IQSEC3: variants seen among roughly 807,000 people sequenced by gnomAD.
IQSEC3 encodes IQ motif and SEC7 domain-containing protein 3.
A neutral mutation model predicts 105.4 loss-of-function variants in IQSEC3; 50 were observed. That is an observed-to-expected ratio of 0.47 (90% CI 0.38 to 0.60). The LOEUF (loss-of-function observed/expected upper bound fraction) is 0.60. Among genes scored for constraint, IQSEC3 ranks in the 20% least tolerant of loss-of-function variants. The probability of loss-of-function intolerance (pLI) is 0.00; values close to 1 mark genes in which losing one functional copy is unlikely to be tolerated. For synonymous variants in IQSEC3, 708 were observed against 746.0 expected, an observed-to-expected ratio of 0.95 and a Z score of 0.83; for missense variants, 1,415 against 1,630.0, an observed-to-expected ratio of 0.87 and a Z score of 2.27.
At chr12:123,731 A>C (rs1865292391) in intron 2 of IQSEC3, among the ~76,000 whole-genome samples, 1 of 151,870 alleles carries the variant, frequency 6.6e-6, no homozygotes, top group African/African-American at 2.4e-5. Context: ...CCGCAGGAAG[A>C]GGTCCCTCCT....
intron 2 of IQSEC3, among the ~76,000 whole-genome samples, chr12:117,329 G>A (rs982751089): frequency 9.9e-5 from 15 of 152,204 alleles, no homozygotes; most frequent in Non-Finnish European, 1.5e-4. Flanking sequence ...GATGTTCTTC[G>A]AGCTTGAAAT....
chr12:144,549 T>A (rs1036213736), intron 5 of IQSEC3: 13 of 152,000 alleles, frequency 8.6e-5, no homozygotes, highest in Admixed American at 1.3e-4. Context: ...AGGGGAAGGG[T>A]GTGCTTCCCA....
chr12:78,140 C>T (rs1230555342), intron 1 of IQSEC3, among the ~76,000 whole-genome samples: 2 of 150,964 alleles, frequency 1.3e-5, no homozygotes, highest in African/African-American at 4.8e-5. Context: ...CCCCAACCCC[C>T]GCGCACAGCC....
chr12:69,539 GC>G (rs1224549536), intron 1 of IQSEC3, among the ~76,000 whole-genome samples: 6 of 152,278 alleles, frequency 3.9e-5, no homozygotes, highest in Admixed American at 6.5e-5. Context: ...TTAGAAAGTT[GC>G]CCCAGGCACT....
intron 1 of IQSEC3, among the ~76,000 whole-genome samples, chr12:78,959 T>C (rs1489990364): frequency 6.6e-6 from 1 of 152,084 alleles, no homozygotes; most frequent in Non-Finnish European, 1.5e-5. Flanking sequence ...TGAACAGGAC[T>C]CCTTCCCTGT....
intron 1 of IQSEC3, among the ~76,000 whole-genome samples, chr12:86,895 GATCCTTA>G (rs1863934886): frequency 6.6e-6 from 1 of 151,864 alleles, no homozygotes; most frequent in African/African-American, 2.4e-5. Flanking sequence ...GGTCTTCCCA[GATCCTTA>G]GATCTGGGAA....
At chr12:74,700 G>A (rs1863452249) in intron 1 of IQSEC3, among the ~76,000 whole-genome samples, 1 of 152,280 alleles carries the variant, frequency 6.6e-6, no homozygotes, top group Non-Finnish European at 1.5e-5. Flanking sequence ...AGCTTCAGGG[G>A]CTAGAGGCTT....
Position 78,200 on chromosome 12 carries a change from C to G in IQSEC3, c.554+10764C>G, listed in dbSNP as rs552888351. Among the ~76,000 whole-genome samples the G allele has an allele frequency of 7.3e-5, 11 of 151,512 alleles. No individual in the cohort carries two copies. The South Asian group carries it at 2.3e-3, about 31-fold the overall frequency. On this transcript the variant is annotated intron_variant, in intron 1 of 13. Transcript: ENST00000538872. ...CCCGGCGCAGGGCGCCGCCTCCTCC[C>G]GCGTTCCCGGCCCGAGGGGGCTCGG...
At chr12:147,170 G>T (rs1316111723) in intron 5 of IQSEC3, among the ~76,000 whole-genome samples, 1 of 152,186 alleles carries the variant, frequency 6.6e-6, no homozygotes, top group Non-Finnish European at 1.5e-5. Flanking sequence ...AGCTGTGGCT[G>T]CAACAGGCCA....
intron 2 of IQSEC3, among the ~76,000 whole-genome samples, chr12:122,446 GA>G (rs1399767770): frequency 6.6e-6 from 1 of 152,240 alleles, no homozygotes; most frequent in Non-Finnish European, 1.5e-5. Flanking sequence ...GATTGTGTGT[GA>G]GGGGTGGCCC....
At chr12:70,473 G>T (rs1366973740) in intron 1 of IQSEC3, among the ~76,000 whole-genome samples, 1 of 152,282 alleles carries the variant, frequency 6.6e-6, no homozygotes, top group African/African-American at 2.4e-5. Context: ...TTCTCTGCAT[G>T]CTTCTTGATT....
chr12:125,970 C>T (rs1865388157), intron 3 of IQSEC3, 58 bp downstream of exon 3: 10 of 1,484,338 alleles, frequency 6.7e-6, no homozygotes, highest in Admixed American at 2.1e-5. Flanking sequence ...GCTTTGGGGG[C>T]TGTCGAGGGT....
At position 157,109 on chromosome 12, in the gene IQSEC3, G is replaced by T. The variant is rs1555094571; in HGVS notation, c.2238G>T (p.Gly746=). ...RKFQAHIRVQ[G]EAQKVERLIE... ...TCCAGGCACACATCCGTGTGCAGGG[G>T]GAGGCTCAGAAGGTGGAGCGGCTCA... Residue 746 remains glycine, a synonymous_variant, in exon 6 of 14, where the codon GGG becomes GGT. Coordinates refer to ENST00000538872, the MANE Select transcript of IQSEC3 (RefSeq NM_001170738.2). 6.2e-7 allele frequency: 1 copy of T among 1,600,496 alleles called. No homozygotes were observed. The highest frequency in any genetic ancestry group is 1.3e-5 in the African/African-American group (1 of 74,750).
chr12:86,669 G>C (rs1039610207), intron 1 of IQSEC3, among the ~76,000 whole-genome samples: 2 of 152,092 alleles, frequency 1.3e-5, no homozygotes, highest in African/African-American at 2.4e-5. Context: ...ATCAGCGCAC[G>C]GCCTAGTACA....
intron 9 of IQSEC3, chr12:165,185 G>A: frequency 1.8e-6 from 1 of 541,934 alleles, no homozygotes; most frequent in Non-Finnish European, 3.3e-6. Flanking sequence ...ACATCAGGTG[G>A]GTTTTACAGG....
chr12:174,329 A>C (rs1356960541), intron 13 of IQSEC3, among the ~76,000 whole-genome samples: 2 of 152,160 alleles, frequency 1.3e-5, no homozygotes. Context: ...AGATGTATGC[A>C]GAGCCCATCT....
intron 1 of IQSEC3, among the ~76,000 whole-genome samples, chr12:90,036 G>A (rs1012071390): frequency 6.6e-6 from 1 of 152,232 alleles, no homozygotes; most frequent in African/African-American, 2.4e-5. Flanking sequence ...ATTCCTTTCA[G>A]AGGTGTATGA....
intron 2 of IQSEC3, among the ~76,000 whole-genome samples, chr12:104,167 G>A (rs1328562585): frequency 6.6e-6 from 1 of 152,146 alleles, no homozygotes; most frequent in East Asian, 1.9e-4. Context: ...TGAGATAGAT[G>A]TTATTCCCAT....
chr12:93,702 C>A (rs1466774800), intron 1 of IQSEC3, among the ~76,000 whole-genome samples: 2 of 152,194 alleles, frequency 1.3e-5, no homozygotes, highest in African/African-American at 4.8e-5. Flanking sequence ...TTGTCCCCTC[C>A]AAACCTCACG....
Sources: allele counts gnomAD v4.1 joint callset (sites outside exome capture counted in the v4.1 genomes callset), GRCh38; gene constraint gnomAD v4.1.1; transcripts MANE v1.5; gene names NCBI Gene and HGNC (gene_info 2026-07-23, HGNC 2026-07-21).